Variants in GALNTL6 observed in about 807,000 individuals in gnomAD.
GALNTL6 encodes the protein polypeptide N-acetylgalactosaminyltransferase-like 6.
In GALNTL6, 46 loss-of-function variants were observed where a neutral mutation model predicts 73.7. The ratio of observed to expected loss-of-function variants is 0.62; its 90% CI spans 0.49 to 0.80. The LOEUF (loss-of-function observed/expected upper bound fraction) is 0.80. GALNTL6 is among the 30% of genes least tolerant of loss of function. The probability of loss-of-function intolerance (pLI) is 0.00; values close to 1 mark genes in which losing one functional copy is unlikely to be tolerated. For missense variants in GALNTL6, 604 were observed against 755.0 expected, an observed-to-expected ratio of 0.80 and a Z score of 2.34; for synonymous variants, 259 against 263.7, an observed-to-expected ratio of 0.98 and a Z score of 0.17.
chr4:172,091,992 T>C (rs1215215233), intron 2 of GALNTL6, among the ~76,000 whole-genome samples: 2 of 152,184 alleles, frequency 1.3e-5, no homozygotes, highest in African/African-American at 2.4e-5. Flanking sequence ...AAAATTAAAG[T>C]TCTGGAAATT....
At chr4:172,495,778 T>C (rs79716127) in intron 5 of GALNTL6, among the ~76,000 whole-genome samples, 6,518 of 152,264 alleles carry the variant, frequency 0.043, 440 homozygotes, top group African/African-American at 0.15. Context: ...TCTAATAAGC[T>C]TCTATTGATG....
chr4:172,721,806 T>C (rs1050678153), intron 5 of GALNTL6, among the ~76,000 whole-genome samples: 1 of 152,184 alleles, frequency 6.6e-6, no homozygotes, highest in Non-Finnish European at 1.5e-5. Flanking sequence ...CAGCACTCTC[T>C]CTCTACTTCT....
At chr4:172,722,500 G>A (rs1735539336) in intron 5 of GALNTL6, among the ~76,000 whole-genome samples, 1 of 151,972 alleles carries the variant, frequency 6.6e-6, no homozygotes, top group African/African-American at 2.4e-5. Context: ...TAGCTTGAGT[G>A]AGTCTCCCTC....
intron 5 of GALNTL6, among the ~76,000 whole-genome samples, chr4:172,532,934 AAC>A (rs1489710795): frequency 2.0e-5 from 3 of 152,332 alleles, no homozygotes; most frequent in South Asian, 2.1e-4. Context: ...AAAAAGAAAA[AAC>A]AGTCTTGAAA....
At chr4:172,196,795 A>G (rs868753012) in intron 2 of GALNTL6, among the ~76,000 whole-genome samples, 2 of 152,192 alleles carry the variant, frequency 1.3e-5, no homozygotes, top group African/African-American at 4.8e-5. Flanking sequence ...AACATACCTC[A>G]AAATAATAAG....
Position 172,761,669 on chromosome 4 carries a change from T to TTCTCTC in GALNTL6, c.554-47670_554-47665dup, listed in dbSNP as rs33989573. Among the ~76,000 whole-genome samples the TTCTCTC allele has an allele frequency of 6.9e-3, 1,020 of 147,262 alleles. 10 individuals are homozygous for TTCTCTC. Among genetic ancestry groups the TTCTCTC allele is most frequent in the East Asian group, 0.037 (184 of 4,918 alleles). On this transcript the variant is annotated intron_variant, in intron 5 of 12. Transcript: ENST00000506823. ...TGTGAGAGCTTCGCCCTTGCTCTCT[T>TTCTCTC]TCTCTCTCTCTCTCTCTCTCTCTCT...
In GALNTL6 at chr4:172,401,299, G is replaced by T. The variant is rs544996171; in HGVS notation, c.553+52610G>T. ...GTCTTGGCTTCTATAAAGTTTTGCT[G>T]CTTAAAATTCACAATTAGTGAATTG... On this transcript the variant is annotated intron_variant, in intron 5 of 12. Coordinates refer to ENST00000506823, the MANE Select transcript of GALNTL6 (RefSeq NM_001034845.3). Among the ~76,000 whole-genome samples the T allele has an allele frequency of 5.3e-5, 8 of 152,134 alleles. No homozygotes were observed. The East Asian group carries it at 1.5e-3, about 29-fold the overall frequency.
intron 5 of GALNTL6, among the ~76,000 whole-genome samples, chr4:172,599,153 G>A (rs1560828573): frequency 6.6e-6 from 1 of 152,180 alleles, no homozygotes; most frequent in East Asian, 1.9e-4. Flanking sequence ...TCTTAATCCT[G>A]TGTACATCAA....
intron 5 of GALNTL6, among the ~76,000 whole-genome samples, chr4:172,478,189 A>C (rs1015274665): frequency 6.6e-6 from 1 of 152,234 alleles, no homozygotes; most frequent in Non-Finnish European, 1.5e-5. Flanking sequence ...TATGGGACCA[A>C]ACAAGAGCCC....
intron 2 of GALNTL6, among the ~76,000 whole-genome samples, chr4:171,922,453 GGT>G (rs1737820653): frequency 1.3e-5 from 2 of 151,810 alleles, no homozygotes; most frequent in African/African-American, 4.8e-5. Flanking sequence ...TGCACAATCT[GGT>G]ACTAATAAGA....
In GALNTL6 at chr4:171,814,591, A is replaced by C. The variant is rs534492617; in HGVS notation, c.11A>C (p.Lys4Thr). MKR[K>T]QKRFLQMTLL... The stretch of plus-strand genomic sequence containing the variant: ...CTGTTACCATTTGCAATGAAGAGGA[A>C]ACAGAAGAGATTTCTGCAGATGACT... Residue 4 changes from lysine (K) to threonine (T), a missense_variant, in exon 2 of 13, where the codon AAA (lysine) becomes ACA (threonine). This residue lies in a region of GALNTL6 where 141 missense variants were observed against 156.6 expected (regional missense o/e 0.90). Coordinates refer to ENST00000506823, the MANE Select transcript of GALNTL6 (RefSeq NM_001034845.3). 1.2e-6 allele frequency: 2 copies of C among 1,614,138 alleles called. No individual in the cohort carries two copies. The highest frequency in any genetic ancestry group is 1.7e-6 in the Non-Finnish European group (2 of 1,180,012).
At chr4:171,990,593 G>A (rs533975482) in intron 2 of GALNTL6, among the ~76,000 whole-genome samples, 10 of 152,166 alleles carry the variant, frequency 6.6e-5, no homozygotes, top group East Asian at 1.9e-4. Flanking sequence ...CCTATCACAC[G>A]ATAGTAATAA....
chr4:172,616,277 G>A (rs1466904599), intron 5 of GALNTL6, among the ~76,000 whole-genome samples: 1 of 152,090 alleles, frequency 6.6e-6, no homozygotes, highest in East Asian at 1.9e-4. Context: ...ATCGTCTATT[G>A]TAACCAAATA....
chr4:173,017,877 C>T (rs570349376), intron 11 of GALNTL6, among the ~76,000 whole-genome samples: 56 of 152,304 alleles, frequency 3.7e-4, no homozygotes, highest in Middle Eastern at 3.4e-3. Context: ...CACAGGTATT[C>T]TTTTGGACTT....
At chr4:172,671,743 G>A (rs1002861177) in intron 5 of GALNTL6, among the ~76,000 whole-genome samples, 1 of 152,294 alleles carries the variant, frequency 6.6e-6, no homozygotes, top group South Asian at 2.1e-4. Flanking sequence ...TGGTTTTCAA[G>A]GAGAATACTT....
chr4:172,455,012 C>G (rs531880006), intron 5 of GALNTL6, among the ~76,000 whole-genome samples: 1 of 152,210 alleles, frequency 6.6e-6, no homozygotes, highest in East Asian at 1.9e-4. Context: ...AGCTGAGGTA[C>G]CCAGCCCATC....
At chr4:172,207,673 G>C (rs997900364) in intron 2 of GALNTL6, among the ~76,000 whole-genome samples, 1 of 152,100 alleles carries the variant, frequency 6.6e-6, no homozygotes, top group Non-Finnish European at 1.5e-5. Flanking sequence ...TAAACGCTTG[G>C]TTCTCTCTGT....
intron 7 of GALNTL6, among the ~76,000 whole-genome samples, chr4:172,829,980 T>A (rs1309028102): frequency 2.6e-5 from 4 of 152,202 alleles, no homozygotes; most frequent in Non-Finnish European, 4.4e-5. Context: ...AATATCCCCA[T>A]AAGTATACAT....
intron 5 of GALNTL6, among the ~76,000 whole-genome samples, chr4:172,593,121 G>A (rs896217277): frequency 1.3e-5 from 2 of 152,142 alleles, no homozygotes; most frequent in African/African-American, 4.8e-5. Flanking sequence ...AATATAAAAT[G>A]CTTCTCCTTT....
Sources: allele counts gnomAD v4.1 joint callset (sites outside exome capture counted in the v4.1 genomes callset), GRCh38; gene constraint gnomAD v4.1.1; regional missense constraint gnomAD v4.1.1; transcripts MANE v1.5; gene names NCBI Gene and HGNC (gene_info 2026-07-23, HGNC 2026-07-21).